The following VWA3B variants were observed in gnomAD, a reference collection of about 807,000 sequenced individuals.
VWA3B encodes the protein von Willebrand factor A domain containing 3B.
In VWA3B, 138 loss-of-function variants were observed where a neutral mutation model predicts 158.3. The observed-to-expected ratio is 0.87, with a 90% CI of 0.76 to 1.00. VWA3B has a LOEUF of 1.00. VWA3B is among the 50% of genes least tolerant of loss of function. VWA3B has a pLI of 0.00. For synonymous variants in VWA3B, 596 were observed against 587.3 expected (o/e 1.01, Z -0.21); for missense variants, 1,555 against 1,565.1 (o/e 0.99, Z 0.11).
chr2:98,271,206 G>A (rs1479961940), intron 22 of VWA3B, among the ~76,000 whole-genome samples: 1 of 152,088 alleles, frequency 6.6e-6, no homozygotes, highest in African/African-American at 2.4e-5. Flanking sequence ...TCTAACCTGT[G>A]TGTGATTTTG....
rs562805479 is a variant in VWA3B, at chr2:98,255,332, G to A, written c.2793-792G>A. ...CAGGCGTGAGCCACTGCACCCGGCT[G>A]GAAGCAGTGTTTTTTAATGGAACAT... is the stretch of plus-strand genomic sequence containing the variant. On this transcript the variant is annotated intron_variant, in intron 20 of 27. Transcript: ENST00000477737. Among the ~76,000 whole-genome samples the A allele has an allele frequency of 4.8e-4, 73 of 151,512 alleles. 1 individual carries two copies. The highest frequency in any genetic ancestry group is 8.7e-4 in the Non-Finnish European group (59 of 67,874).
chr2:98,178,435 A>G (rs1680198393), intron 8 of VWA3B, among the ~76,000 whole-genome samples: 1 of 152,202 alleles, frequency 6.6e-6, no homozygotes, highest in African/African-American at 2.4e-5. Flanking sequence ...CAGGTCCTTT[A>G]CACATTATAC....
chr2:98,173,262 G>C (rs1679745435), intron 8 of VWA3B, among the ~76,000 whole-genome samples: 1 of 152,206 alleles, frequency 6.6e-6, no homozygotes, highest in African/African-American at 2.4e-5. Context: ...TCACACTTCA[G>C]GCAAGGCAAA....
intron 7 of VWA3B, among the ~76,000 whole-genome samples, chr2:98,148,457 ATATGGATAATTTATGTTGG>A (rs1558603710): frequency 6.6e-6 from 1 of 152,182 alleles, no homozygotes; most frequent in African/African-American, 2.4e-5. Context: ...GGTGTATTAC[ATATGGATAATTTATGTTGG>A]TCATTGTGTT....
chr2:98,096,927 A>ATTTCTACTTCCTTG, intron 2 of VWA3B, among the ~76,000 whole-genome samples: 1 of 152,148 alleles, frequency 6.6e-6, no homozygotes, highest in African/African-American at 2.4e-5. Context: ...TCGCTAAGGT[A>ATTTCTACTTCCTTG]AGGTAAAACA....
At chr2:98,250,470 G>A (rs1483442492) in intron 20 of VWA3B, 34 bp downstream of exon 20, 1 of 1,476,864 alleles carries the variant, frequency 6.8e-7, no homozygotes, top group East Asian at 2.4e-5. Flanking sequence ...TTTAATGGAT[G>A]TGGAATTTAT....
intron 2 of VWA3B, among the ~76,000 whole-genome samples, chr2:98,095,179 G>A (rs183000944): frequency 6.6e-6 from 1 of 152,266 alleles, no homozygotes; most frequent in African/African-American, 2.4e-5. Context: ...TTGGTATTTT[G>A]TTAGGGGTTA....
chr2:98,163,291 G>C (rs112963100), intron 8 of VWA3B, among the ~76,000 whole-genome samples: 3,505 of 152,256 alleles, frequency 0.023, 142 homozygotes, highest in African/African-American at 0.079. Flanking sequence ...TGTTACCCCA[G>C]CACTTTGGGA....
chr2:98,146,933 T>C (rs1414150373), intron 7 of VWA3B, among the ~76,000 whole-genome samples: 1 of 152,020 alleles, frequency 6.6e-6, no homozygotes, highest in Non-Finnish European at 1.5e-5. Context: ...CTGTGTGGAG[T>C]GGACAGTGTC....
intron 7 of VWA3B, among the ~76,000 whole-genome samples, chr2:98,162,407 G>A (rs965556668): frequency 5.9e-5 from 9 of 152,146 alleles, no homozygotes; most frequent in African/African-American, 2.2e-4. Context: ...TACATTGGGG[G>A]AAATATTATA....
At chr2:98,262,021 GATTT>G (rs1359968166) in intron 21 of VWA3B, among the ~76,000 whole-genome samples, 3 of 151,682 alleles carry the variant, frequency 2.0e-5, no homozygotes. Context: ...TAGTGGTTTT[GATTT>G]GCATTTCTCT....
intron 13 of VWA3B, 30 bp downstream of exon 13, chr2:98,212,058 C>T: frequency 6.3e-7 from 1 of 1,590,486 alleles, no homozygotes; most frequent in South Asian, 1.1e-5. Flanking sequence ...ACAAAGAGGG[C>T]CTCACTGATG....
chr2:98,149,750 G>A (rs956967078), intron 7 of VWA3B, among the ~76,000 whole-genome samples: 15 of 152,096 alleles, frequency 9.9e-5, no homozygotes, highest in Admixed American at 2.0e-4. Flanking sequence ...ACTGTGAATC[G>A]GCCTTAGGTT....
At chr2:98,229,972 G>C (rs1424532729) in intron 15 of VWA3B, 78 bp from the exon 16 acceptor site, 13 of 1,459,056 alleles carry the variant, frequency 8.9e-6, no homozygotes, top group Non-Finnish European at 1.2e-5. Flanking sequence ...TGAATGTATT[G>C]ACTTAACTCT....
intron 22 of VWA3B, 29 bp from the exon 23 acceptor site, chr2:98,290,482 A>G (rs372953298): frequency 2.7e-4 from 414 of 1,508,682 alleles, no homozygotes; most frequent in Non-Finnish European, 3.6e-4. Flanking sequence ...ACTTTTTCTC[A>G]TCAATTATTT....
intron 22 of VWA3B, among the ~76,000 whole-genome samples, chr2:98,284,934 C>T (rs1277313336): frequency 6.6e-6 from 1 of 152,028 alleles, no homozygotes; most frequent in Non-Finnish European, 1.5e-5. Flanking sequence ...TAGATGGATT[C>T]GGAAGCTCCT....
At chr2:98,228,657 G>A (rs998145174) in intron 15 of VWA3B, among the ~76,000 whole-genome samples, 1 of 152,118 alleles carries the variant, frequency 6.6e-6, no homozygotes, top group African/African-American at 2.4e-5. Context: ...GGAGGCCGAG[G>A]CCTGGACTTC....
intron 12 of VWA3B, chr2:98,206,985 C>T: frequency 2.1e-6 from 1 of 486,642 alleles, no homozygotes; most frequent in South Asian, 1.5e-5. Flanking sequence ...CTACTCATGC[C>T]CAGGTAGCTC....
chr2:98,330,259 G>T, the VWA3B span, among the ~76,000 whole-genome samples: 2 of 152,198 alleles, frequency 1.3e-5, no homozygotes, highest in East Asian at 3.9e-4. Context: ...TAACTAAGGG[G>T]CTCTTTTCCC....
Sources: gnomAD v4.1 joint callset for allele counts (sites outside exome capture counted in the v4.1 genomes callset) on GRCh38, gnomAD v4.1.1 for gene constraint, MANE v1.5 for transcripts, NCBI Gene and HGNC (gene_info 2026-07-23, HGNC 2026-07-21) for gene names.